AFAP1L2: variants seen among roughly 807,000 people sequenced by gnomAD.
The protein encoded by AFAP1L2 is actin filament associated protein 1 like 2.
A neutral mutation model predicts 99.3 loss-of-function variants in AFAP1L2; 46 were observed. The ratio of observed to expected loss-of-function variants is 0.46; its 90% CI spans 0.37 to 0.59. The LOEUF is 0.59. AFAP1L2 is among the 20% of genes least tolerant of loss of function. The pLI is 0.00. For synonymous variants in AFAP1L2, 397 were observed against 419.1 expected (o/e 0.95, Z 0.64); for missense variants, 959 against 1,034.9 (o/e 0.93, Z 1.01).
At chr10:114,347,585 C>T (rs940588621) in intron 1 of AFAP1L2, among the ~76,000 whole-genome samples, 17 of 152,084 alleles carry the variant, frequency 1.1e-4, no homozygotes, top group African/African-American at 4.1e-4. Context: ...AAGTGAGTCT[C>T]CTTGAGTAGC....
chr10:114,333,146 G>T, intron 3 of AFAP1L2, 75 bp downstream of exon 3: 1 of 1,350,206 alleles, frequency 7.4e-7, no homozygotes, highest in Non-Finnish European at 1.1e-6. Flanking sequence ...AAGAGAGGTG[G>T]GACAGAACCA....
At chr10:114,302,221 GCTGGGCAGAGTGGGGTGGGACC>G in intron 12 of AFAP1L2, 96 bp downstream of exon 12, 3 of 1,413,554 alleles carry the variant, frequency 2.1e-6, no homozygotes, top group Non-Finnish European at 2.9e-6. Context: ...TTTTCCTGCT[GCTGGGCAGAGTGGGGTGGGACC>G]CTGTGCTCCC....
chr10:114,284,819 T>C, the AFAP1L2 span: 1 of 1,550,824 alleles, frequency 6.4e-7, no homozygotes, highest in Non-Finnish European at 8.7e-7. Flanking sequence ...TCTCCACTCC[T>C]CTGTGCTGCG....
intron 1 of AFAP1L2, among the ~76,000 whole-genome samples, chr10:114,362,323 T>C (rs532131618): frequency 2.0e-5 from 3 of 152,288 alleles, no homozygotes; most frequent in Admixed American, 6.5e-5. Context: ...TTATTTAAAG[T>C]TGGATCTTTG....
chr10:114,295,229 AAC>A lies in AFAP1L2; in HGVS notation c.*811_*812del. The A allele has an allele frequency of 1.0e-6, 1 of 985,794 alleles. No homozygotes were observed. Among genetic ancestry groups the A allele is most frequent in the South Asian group, 4.7e-5 (1 of 21,280 alleles). The allele number at this position is 985,794 out of a possible 1,614,324, so 61.1% of individuals were successfully genotyped here. ...GCCTGACCACAGCAATGAATCTGTAAACACAGAGTAATATTTTTCCTACAGTA... is the reference window on the plus strand; with the variant it reads ...GCCTGACCACAGCAATGAATCTGTAAACAGAGTAATATTTTTCCTACAGTA... On this transcript the variant is annotated 3_prime_UTR_variant, in exon 19 of 19. Coordinates refer to ENST00000304129, the MANE Select transcript of AFAP1L2 (RefSeq NM_001001936.3).
chr10:114,319,446 A>G lies in AFAP1L2; in HGVS notation c.407-3681T>C. 5.3e-6 allele frequency: 4 copies of G among 760,424 alleles called. 1 individual carries two copies. The South Asian group carries it at 6.6e-5, about 13-fold the overall frequency. 47.1% of individuals were successfully genotyped at this position (760,424 alleles called of 1,614,324 possible). A position where few individuals can be genotyped will look rare whatever the true frequency, so the allele number is the denominator to read the frequency against. On this transcript the variant is annotated intron_variant, in intron 5 of 18. Coordinates refer to ENST00000304129, the MANE Select transcript of AFAP1L2 (RefSeq NM_001001936.3). ...ATCGCACGTGGCATGCAAGTGCAAG[A>G]CTCATGCACGAGGACAGGAAGAAGA...
chr10:114,286,318 T>A, the AFAP1L2 span: 1 of 1,612,286 alleles, frequency 6.2e-7, no homozygotes, highest in Admixed American at 1.7e-5. Flanking sequence ...ACTCCGAGGA[T>A]GAGGTTGCGG....
At chr10:114,303,828 A>T (rs2041657067) in intron 11 of AFAP1L2, among the ~76,000 whole-genome samples, 1 of 152,172 alleles carries the variant, frequency 6.6e-6, no homozygotes. Flanking sequence ...TCCTAGGATC[A>T]AGCCCTGTCC....
chr10:114,323,709 A>G (rs2045756426), intron 4 of AFAP1L2, among the ~76,000 whole-genome samples: 1 of 152,238 alleles, frequency 6.6e-6, no homozygotes, highest in Admixed American at 6.5e-5. Context: ...CTACACTTTT[A>G]CCATAATATA....
chr10:114,401,565 C>T (rs952476669), intron 1 of AFAP1L2, among the ~76,000 whole-genome samples: 7 of 152,136 alleles, frequency 4.6e-5, no homozygotes, highest in Non-Finnish European at 1.0e-4. Context: ...GCCATTTTAC[C>T]ATCGCTATTT....
intron 5 of AFAP1L2, among the ~76,000 whole-genome samples, chr10:114,320,453 G>A (rs1564857076): frequency 2.0e-5 from 3 of 152,220 alleles, no homozygotes; most frequent in Non-Finnish European, 4.4e-5. Flanking sequence ...CAGGACCTGA[G>A]GTCAGGCCAG....
In AFAP1L2 at chr10:114,394,237, C is replaced by A. The variant is rs143991810; in HGVS notation, c.16+10203G>T. On this transcript the variant is annotated intron_variant, in intron 1 of 18. Coordinates refer to ENST00000304129, the MANE Select transcript of AFAP1L2 (RefSeq NM_001001936.3). Reference sequence around the variant, plus strand: ...TTGCAGCAGGCCATGAGAAGTGACACCCTTTAGGGCTTGAGGAAGCAGCAG... The same window carrying A: ...TTGCAGCAGGCCATGAGAAGTGACAACCTTTAGGGCTTGAGGAAGCAGCAG... 1.7e-3 allele frequency among the ~76,000 whole-genome samples: 263 copies of A among 152,290 alleles called. 3 individuals carry two copies. The highest frequency in any genetic ancestry group is 6.1e-3 in the African/African-American group (254 of 41,546).
At chr10:114,332,578 C>T (rs1412551222) in intron 3 of AFAP1L2, among the ~76,000 whole-genome samples, 1 of 152,196 alleles carries the variant, frequency 6.6e-6, no homozygotes, top group Non-Finnish European at 1.5e-5. Flanking sequence ...GTGGTTAAGT[C>T]ACAGGCTTGG....
chr10:114,285,194 T>C, the AFAP1L2 span, among the ~76,000 whole-genome samples: 1 of 152,156 alleles, frequency 6.6e-6, no homozygotes, highest in Non-Finnish European at 1.5e-5. Flanking sequence ...GCTCCCAGCT[T>C]ATTAGCTGCA....
the AFAP1L2 span, chr10:114,286,221 G>A: frequency 9.9e-6 from 16 of 1,613,496 alleles, no homozygotes; most frequent in East Asian, 6.7e-5. Flanking sequence ...AGTGCCTTGC[G>A]GCAGGCGGCA....
chr10:114,285,698 G>T, the AFAP1L2 span, among the ~76,000 whole-genome samples: 2 of 152,244 alleles, frequency 1.3e-5, no homozygotes, highest in Non-Finnish European at 2.9e-5. Context: ...ATGGAAAAAA[G>T]TGATAATGTA....
At chr10:114,315,469 A>C (rs694883) in intron 6 of AFAP1L2, 91 bp downstream of exon 6, 1 of 1,350,774 alleles carries the variant, frequency 7.4e-7, no homozygotes, top group Non-Finnish European at 1.0e-6. Context: ...GAAACCTCTG[A>C]GGTCAGGGAC....
At chr10:114,325,854 A>G in intron 4 of AFAP1L2, 2 of 1,274,812 alleles carry the variant, frequency 1.6e-6, no homozygotes, top group Non-Finnish European at 2.0e-6. Flanking sequence ...CAGGCTCCCT[A>G]GGGTCCACAG....
At chr10:114,393,124 T>C (rs993398677) in intron 1 of AFAP1L2, among the ~76,000 whole-genome samples, 8 of 152,200 alleles carry the variant, frequency 5.3e-5, no homozygotes, top group African/African-American at 1.9e-4. Context: ...CCGTATCCTC[T>C]GAACCTACCA....
Sources: allele counts gnomAD v4.1 joint callset (sites outside exome capture counted in the v4.1 genomes callset), GRCh38; gene constraint gnomAD v4.1.1; transcripts MANE v1.5; gene names NCBI Gene and HGNC (gene_info 2026-07-23, HGNC 2026-07-21).